ATP6V0A1: variants seen among roughly 807,000 people sequenced by gnomAD.
ATP6V0A1 encodes the protein V-type proton ATPase 116 kDa subunit a 1.
ATP6V0A1 carries 43 observed loss-of-function variants against 105.4 expected under a neutral mutation model. The observed-to-expected ratio is 0.41, with a 90% CI of 0.32 to 0.53. The LOEUF is 0.53. Among genes scored for constraint, ATP6V0A1 ranks in the 20% least tolerant of loss-of-function variants. The pLI is 0.30. For missense variants in ATP6V0A1, 676 were observed against 1,051.1 expected, an observed-to-expected ratio of 0.64 and a Z score of 4.93; for synonymous variants, 362 against 372.8, an observed-to-expected ratio of 0.97 and a Z score of 0.33.
chr17:42,495,232 T>A lies in ATP6V0A1; in HGVS notation c.1469+44T>A, dbSNP rs758501385. The A allele has an allele frequency of 6.3e-6, 10 of 1,590,684 alleles. No homozygotes were observed. The African/African-American group carries it at 1.3e-4, about 21-fold the overall frequency. ...TAAAATTCAAAGCTTATTCCTTTCA[T>A]GTGCAGCCCTGATTTTTAAGACAAG... On this transcript the variant is annotated intron_variant, in intron 13 of 21. Transcript: ENST00000343619.
intron 21 of ATP6V0A1, among the ~76,000 whole-genome samples, chr17:42,516,804 C>A (rs1022455989): frequency 6.6e-6 from 1 of 152,236 alleles, no homozygotes; most frequent in African/African-American, 2.4e-5. Flanking sequence ...AGTGGCAGGA[C>A]AGCAGGCTCC....
intron 17 of ATP6V0A1, among the ~76,000 whole-genome samples, chr17:42,504,218 T>C: frequency 6.6e-6 from 1 of 152,166 alleles, no homozygotes; most frequent in Non-Finnish European, 1.5e-5. Flanking sequence ...ATATGAACAG[T>C]GATCTGGTTT....
rs747617300 is a variant in ATP6V0A1 at position 42,487,943 on chromosome 17, T to A, written c.1023+576T>A. Among the ~76,000 whole-genome samples the A allele has an allele frequency of 9.6e-4, 146 of 152,146 alleles. 1 individual carries two copies. The highest frequency in any genetic ancestry group is 1.5e-3 in the Non-Finnish European group (104 of 68,030). ...CTGCAGTTCAGAGAGCTGAAATAAT[T>A]TGGTCATATGCCCATGATTCTTCAG... On this transcript the variant is annotated intron_variant, in intron 10 of 21. Coordinates refer to ENST00000343619, the MANE Select transcript of ATP6V0A1 (RefSeq NM_001130021.3).
intron 4 of ATP6V0A1, among the ~76,000 whole-genome samples, chr17:42,469,569 C>T (rs1217916137): frequency 6.6e-6 from 1 of 152,062 alleles, no homozygotes; most frequent in East Asian, 1.9e-4. Context: ...CTCCTGACCT[C>T]AGATGAGCCA....
chr17:42,494,244 A>AG (rs930265311), intron 11 of ATP6V0A1, 90 bp from the exon 12 acceptor site: 61 of 1,236,258 alleles, frequency 4.9e-5, no homozygotes, highest in East Asian at 1.0e-4. Context: ...AAAAAAAAAA[A>AG]GGGGGGTGGG....
At chr17:42,513,136 A>G (rs1251660137) in intron 19 of ATP6V0A1, among the ~76,000 whole-genome samples, 1 of 152,208 alleles carries the variant, frequency 6.6e-6, no homozygotes, top group Non-Finnish European at 1.5e-5. Flanking sequence ...GCTTGAGGAA[A>G]ACGAAAACAA....
intron 10 of ATP6V0A1, among the ~76,000 whole-genome samples, chr17:42,489,821 G>A (rs2090460684): frequency 6.6e-6 from 1 of 152,044 alleles, no homozygotes; most frequent in South Asian, 2.1e-4. Context: ...AGAATGGAAG[G>A]GAATGAGACC....
chr17:42,500,282 C>CA (rs1012279592), intron 15 of ATP6V0A1, among the ~76,000 whole-genome samples: 1 of 152,036 alleles, frequency 6.6e-6, no homozygotes, highest in African/African-American at 2.4e-5. Context: ...AGTTCAAGAC[C>CA]AGTCTGGGCA....
chr17:42,482,338 G>A (rs1220696164), intron 8 of ATP6V0A1, among the ~76,000 whole-genome samples: 1 of 151,874 alleles, frequency 6.6e-6, no homozygotes, highest in Non-Finnish European at 1.5e-5. Context: ...GTGGAGATGA[G>A]GTTTCACCAT....
intron 17 of ATP6V0A1, among the ~76,000 whole-genome samples, chr17:42,501,905 G>C (rs1050090852): frequency 6.6e-6 from 1 of 152,088 alleles, no homozygotes; most frequent in Non-Finnish European, 1.5e-5. Flanking sequence ...GTGTTGGCGC[G>C]TGCCTGTAGT....
rs771850397 is a variant in ATP6V0A1, at chr17:42,513,851, C to T, written c.2131-10C>T. 1.9e-6 allele frequency: 3 copies of T among 1,611,658 alleles called. No individual in the cohort carries two copies. Among genetic ancestry groups the T allele is most frequent in the Non-Finnish European group, 2.5e-6 (3 of 1,177,746 alleles). On this transcript the variant is annotated splice_polypyrimidine_tract_variant and intron_variant, in intron 19 of 21. Coordinates refer to ENST00000343619, the MANE Select transcript of ATP6V0A1 (RefSeq NM_001130021.3). ...CCTTATATCTTCTCTCTGGTTTCCTCCCACGACAGTTTGACTTTGGGGACA... is the reference window on the plus strand; with the variant it reads ...CCTTATATCTTCTCTCTGGTTTCCTTCCACGACAGTTTGACTTTGGGGACA...
chr17:42,495,097 A>G lies in ATP6V0A1; in HGVS notation c.1378A>G (p.Thr460Ala), dbSNP rs758546996. ...ATTGATGGGTGTGTTCTCCATGTAC[A>G]CTGGCCTCATCTACAATGATTGCTT... ...ILLMGVFSMYTGLIYNDCFSK... is the reference protein window; with the variant it reads ...ILLMGVFSMYAGLIYNDCFSK... Residue 460 changes from threonine (T) to alanine (A), a missense_variant, in exon 13 of 22, where the codon ACT becomes GCT. Coordinates refer to ENST00000343619, the MANE Select transcript of ATP6V0A1 (RefSeq NM_001130021.3). 1.2e-6 allele frequency: 2 copies of G among 1,613,980 alleles called. No individual in the cohort carries two copies. The highest frequency in any genetic ancestry group is 1.7e-6 in the Non-Finnish European group (2 of 1,179,830).
chr17:42,508,201 C>T (rs1221386467), intron 18 of ATP6V0A1, among the ~76,000 whole-genome samples: 1 of 152,214 alleles, frequency 6.6e-6, no homozygotes, highest in Admixed American at 6.5e-5. Flanking sequence ...CCTTGCCTGA[C>T]CCCTTGTAGC....
At chr17:42,484,443 G>T (rs1425197955) in intron 9 of ATP6V0A1, among the ~76,000 whole-genome samples, 1 of 152,180 alleles carries the variant, frequency 6.6e-6, no homozygotes, top group African/African-American at 2.4e-5. Flanking sequence ...TGAGTAGTCA[G>T]TTCTGCCTTC....
intron 9 of ATP6V0A1, 143 bp downstream of exon 9, chr17:42,483,274 C>G (rs1402283398): frequency 2.1e-6 from 1 of 481,140 alleles, no homozygotes; most frequent in Non-Finnish European, 3.4e-6. Context: ...GTAATATGTC[C>G]TTCTGGGAGC....
intron 19 of ATP6V0A1, among the ~76,000 whole-genome samples, chr17:42,512,896 C>T (rs2092416945): frequency 1.3e-5 from 2 of 152,216 alleles, no homozygotes; most frequent in South Asian, 4.1e-4. Flanking sequence ...GGTCTGGGCT[C>T]TGCGGGGGGA....
intron 7 of ATP6V0A1, chr17:42,480,449 A>C (rs2089348645): frequency 7.0e-6 from 3 of 430,034 alleles, no homozygotes; most frequent in African/African-American, 4.1e-5. Context: ...TGAGTCAAAA[A>C]AACAAATAGA....
At chr17:42,486,821 C>G (rs1322900606) in intron 9 of ATP6V0A1, among the ~76,000 whole-genome samples, 1 of 152,146 alleles carries the variant, frequency 6.6e-6, no homozygotes, top group Non-Finnish European at 1.5e-5. Flanking sequence ...AGTTACATTC[C>G]CCACATAGAA....
intron 17 of ATP6V0A1, among the ~76,000 whole-genome samples, chr17:42,501,759 C>A (rs2091690445): frequency 2.0e-5 from 3 of 151,784 alleles, no homozygotes; most frequent in Admixed American, 6.5e-5. Flanking sequence ...GGCGCAGTGC[C>A]TCACTGCTGT....
Sources: allele counts gnomAD v4.1 joint callset (sites outside exome capture counted in the v4.1 genomes callset), GRCh38; gene constraint gnomAD v4.1.1; transcripts MANE v1.5; gene names NCBI Gene and HGNC (gene_info 2026-07-23, HGNC 2026-07-21).